The following PPP2R3A variants were observed in gnomAD, a reference collection of about 807,000 sequenced individuals.
The protein encoded by PPP2R3A is serine/threonine-protein phosphatase 2A regulatory subunit B'' subunit alpha.
PPP2R3A carries 80 observed loss-of-function variants against 106.9 expected under a neutral mutation model. The ratio of observed to expected loss-of-function variants is 0.75; its 90% confidence interval spans 0.62 to 0.90. The LOEUF (loss-of-function observed/expected upper bound fraction) is 0.90. Ranked by LOEUF, PPP2R3A falls within the 40% of genes least tolerant of loss-of-function variation. The probability of loss-of-function intolerance (pLI) is 0.00; values close to 1 mark genes in which losing one functional copy is unlikely to be tolerated. For missense variants in PPP2R3A, 1,386 were observed against 1,350.4 expected (o/e 1.03, Z -0.41); for synonymous variants, 483 against 468.3 (o/e 1.03, Z -0.41).
At chr3:135,985,648 A>G (rs1932890986) in intron 1 of PPP2R3A, among the ~76,000 whole-genome samples, 1 of 152,286 alleles carries the variant, frequency 6.6e-6, no homozygotes, top group Non-Finnish European at 1.5e-5. Flanking sequence ...CTCACCAGTA[A>G]ACTTTTTGGC....
chr3:136,068,124 A>G (rs1936318208), intron 5 of PPP2R3A, among the ~76,000 whole-genome samples: 1 of 152,114 alleles, frequency 6.6e-6, no homozygotes, highest in South Asian at 2.1e-4. Context: ...GGGCTGAGGA[A>G]GGAGGATCAC....
intron 3 of PPP2R3A, among the ~76,000 whole-genome samples, chr3:136,038,153 G>A (rs986079953): frequency 6.6e-6 from 1 of 152,060 alleles, no homozygotes; most frequent in Admixed American, 6.5e-5. Context: ...TTAATAGAGT[G>A]TAATGTCCAT....
At chr3:136,139,567 C>G (rs1163198932) in intron 13 of PPP2R3A, among the ~76,000 whole-genome samples, 1 of 151,912 alleles carries the variant, frequency 6.6e-6, no homozygotes, top group Non-Finnish European at 1.5e-5. Flanking sequence ...GTGTTATGTG[C>G]CTGTAATCCC....
chr3:136,076,153 C>T (rs566389497), intron 6 of PPP2R3A, among the ~76,000 whole-genome samples: 2 of 152,214 alleles, frequency 1.3e-5, no homozygotes, highest in Non-Finnish European at 2.9e-5. Flanking sequence ...CATACAAACT[C>T]ATTGCTTTAT....
intron 5 of PPP2R3A, among the ~76,000 whole-genome samples, chr3:136,062,619 A>G (rs556351306): frequency 6.6e-6 from 1 of 151,578 alleles, no homozygotes; most frequent in Non-Finnish European, 1.5e-5. Flanking sequence ...TCAGGAGGCT[A>G]GGGCAGGAGA....
intron 1 of PPP2R3A, among the ~76,000 whole-genome samples, chr3:135,981,072 T>A (rs1179794413): frequency 1.3e-5 from 2 of 151,928 alleles, no homozygotes; most frequent in Middle Eastern, 3.2e-3. Flanking sequence ...TATGCAGGAA[T>A]GTGTTCTCTG....
chr3:136,013,319 T>C (rs1934156985), intron 2 of PPP2R3A, among the ~76,000 whole-genome samples: 1 of 152,082 alleles, frequency 6.6e-6, no homozygotes, highest in South Asian at 2.1e-4. Context: ...TAAACGTGAG[T>C]GTGCAAGTAT....
intron 2 of PPP2R3A, among the ~76,000 whole-genome samples, chr3:136,015,378 T>G (rs1220808954): frequency 6.6e-6 from 1 of 152,186 alleles, no homozygotes; most frequent in African/African-American, 2.4e-5. Flanking sequence ...TTTGGAATAG[T>G]TTCAATAGGA....
intron 13 of PPP2R3A, among the ~76,000 whole-genome samples, chr3:136,132,106 A>T (rs1938451170): frequency 6.6e-6 from 1 of 152,090 alleles, no homozygotes; most frequent in East Asian, 1.9e-4. Flanking sequence ...TGGCACATGT[A>T]TACCTATGTA....
chr3:136,099,202 C>G (rs948218889), intron 10 of PPP2R3A, among the ~76,000 whole-genome samples: 1 of 152,114 alleles, frequency 6.6e-6, no homozygotes, highest in Non-Finnish European at 1.5e-5. Context: ...AAAAACCAGC[C>G]CATTCATTTT....
intron 13 of PPP2R3A, among the ~76,000 whole-genome samples, chr3:136,116,596 T>A (rs1937771456): frequency 1.3e-5 from 2 of 152,312 alleles, no homozygotes; most frequent in South Asian, 4.1e-4. Flanking sequence ...CCAATCCTAG[T>A]CTCTGATAAA....
intron 10 of PPP2R3A, among the ~76,000 whole-genome samples, chr3:136,093,586 A>G (rs1311090379): frequency 6.6e-6 from 1 of 152,198 alleles, no homozygotes; most frequent in African/African-American, 2.4e-5. Flanking sequence ...TAAAAAATGG[A>G]CAAAGGATCT....
intron 2 of PPP2R3A, 105 bp from the exon 3 acceptor site, chr3:136,026,727 A>C: frequency 9.3e-7 from 1 of 1,070,298 alleles, no homozygotes; most frequent in Non-Finnish European, 1.3e-6. Flanking sequence ...TGAGCCCTTA[A>C]TCTCTCCTGT....
chr3:135,971,568 C>A (rs1937247660), intron 1 of PPP2R3A, among the ~76,000 whole-genome samples: 1 of 152,168 alleles, frequency 6.6e-6, no homozygotes, highest in Non-Finnish European at 1.5e-5. Context: ...AAGGCATAAA[C>A]CTCATTGCTA....
intron 5 of PPP2R3A, among the ~76,000 whole-genome samples, chr3:136,056,111 A>G (rs1195493864): frequency 6.6e-6 from 1 of 152,242 alleles, no homozygotes; most frequent in African/African-American, 2.4e-5. Context: ...TCATGAGGAA[A>G]ACATCAGGCA....
chr3:136,004,013 C>T (rs1031165677), intron 2 of PPP2R3A, among the ~76,000 whole-genome samples: 2 of 152,302 alleles, frequency 1.3e-5, no homozygotes. Flanking sequence ...AGAGACAAAA[C>T]TGACAATGTC....
At chr3:135,968,985 A>G (rs1937167329) in intron 1 of PPP2R3A, among the ~76,000 whole-genome samples, 1 of 152,172 alleles carries the variant, frequency 6.6e-6, no homozygotes, top group South Asian at 2.1e-4. Flanking sequence ...GTTTCCAGTA[A>G]TTTACCGTAA....
At chr3:136,078,792 T>C (rs180918490) in intron 7 of PPP2R3A, among the ~76,000 whole-genome samples, 11 of 152,210 alleles carry the variant, frequency 7.2e-5, no homozygotes, top group African/African-American at 2.6e-4. Context: ...TGGGGCTAGG[T>C]TGGGAAGGGT....
At chr3:135,992,026 G>A (rs762773108) in intron 1 of PPP2R3A, among the ~76,000 whole-genome samples, 25 of 152,000 alleles carry the variant, frequency 1.6e-4, no homozygotes, top group Admixed American at 3.3e-4. Context: ...AAGAGATGTT[G>A]TATTTTCTCA....
Sources: gnomAD v4.1 joint callset for allele counts (sites outside exome capture counted in the v4.1 genomes callset) on GRCh38, gnomAD v4.1.1 for gene constraint, MANE v1.5 for transcripts, NCBI Gene and HGNC (gene_info 2026-07-23, HGNC 2026-07-21) for gene names.